MAP3K5: variants seen among roughly 807,000 people sequenced by gnomAD.
MAP3K5 encodes ASK-1.
A neutral mutation model predicts 158.7 loss-of-function variants in MAP3K5; 56 were observed. That is an observed-to-expected ratio of 0.35 (90% CI 0.28 to 0.44). The LOEUF (loss-of-function observed/expected upper bound fraction) is 0.44. Among genes scored for constraint, MAP3K5 ranks in the 20% least tolerant of loss-of-function variants. The probability of loss-of-function intolerance (pLI) is 1.00; values close to 1 mark genes in which losing one functional copy is unlikely to be tolerated. For missense variants in MAP3K5, 1,294 were observed against 1,674.8 expected, an observed-to-expected ratio of 0.77 and a Z score of 3.97; for synonymous variants, 579 against 601.7, an observed-to-expected ratio of 0.96 and a Z score of 0.55.
At chr6:136,656,558 C>T in intron 9 of MAP3K5, 98 bp from the exon 10 acceptor site, 2 of 719,860 alleles carry the variant, frequency 2.8e-6, no homozygotes, top group Non-Finnish European at 4.6e-6. Flanking sequence ...TTATACATGA[C>T]ATTAATAGTT....
At chr6:136,755,887 G>A (rs150666248) in intron 1 of MAP3K5, among the ~76,000 whole-genome samples, 126 of 152,130 alleles carry the variant, frequency 8.3e-4, no homozygotes, top group South Asian at 6.6e-3. Flanking sequence ...TAGTCAGGGT[G>A]ACTAGAGAGA....
intron 1 of MAP3K5, among the ~76,000 whole-genome samples, chr6:136,763,121 T>C (rs1166481401): frequency 6.6e-6 from 1 of 152,300 alleles, no homozygotes; most frequent in South Asian, 2.1e-4. Context: ...GCCTCTCAAA[T>C]AGCTGGGACC....
At chr6:136,754,048 G>A (rs1783346678) in intron 1 of MAP3K5, among the ~76,000 whole-genome samples, 3 of 152,050 alleles carry the variant, frequency 2.0e-5, no homozygotes, top group South Asian at 4.2e-4. Context: ...CTGACACAGA[G>A]AATCGCTTGA....
chr6:136,581,730 C>T (rs1249851936), intron 24 of MAP3K5, among the ~76,000 whole-genome samples: 2 of 152,158 alleles, frequency 1.3e-5, no homozygotes, highest in Non-Finnish European at 2.9e-5. Flanking sequence ...TAGGTTCCCA[C>T]TTGTTCTAGA....
At chr6:136,621,592 G>T (rs534576767) in intron 15 of MAP3K5, among the ~76,000 whole-genome samples, 2 of 152,288 alleles carry the variant, frequency 1.3e-5, no homozygotes, top group East Asian at 3.9e-4. Flanking sequence ...CTGTGATTAG[G>T]TCTCAGTCTT....
At position 136,696,060 on chromosome 6, in the gene MAP3K5, TTCAAA is replaced by T; in HGVS notation, c.976-8_976-4del. 2 of 1,565,812 alleles carry T rather than the reference TTCAAA, an allele frequency of 1.3e-6. No homozygotes were observed. The highest frequency in any genetic ancestry group is 1.8e-6 in the Non-Finnish European group (2 of 1,137,882). On this transcript the variant is annotated splice_polypyrimidine_tract_variant and splice_region_variant and intron_variant, in intron 5 of 29. Coordinates refer to ENST00000359015, the MANE Select transcript of MAP3K5 (RefSeq NM_005923.4). ...AGCTTCACAATAGAATCATAGTCCT[TTCAAA>T]TTAGATGAGAATAGCACAGAATTAA...
At chr6:136,691,118 T>G (rs1212762531) in intron 7 of MAP3K5, among the ~76,000 whole-genome samples, 1 of 152,194 alleles carries the variant, frequency 6.6e-6, no homozygotes, top group Non-Finnish European at 1.5e-5. Context: ...TTTTCACCAA[T>G]TTTACTATGA....
At chr6:136,650,542 CTACT>C (rs1276470612) in intron 11 of MAP3K5, among the ~76,000 whole-genome samples, 5 of 152,170 alleles carry the variant, frequency 3.3e-5, no homozygotes, top group African/African-American at 9.6e-5. Context: ...GATTTGGCAA[CTACT>C]TAGATAACAA....
At chr6:136,765,111 C>T (rs879504125) in intron 1 of MAP3K5, among the ~76,000 whole-genome samples, 3 of 152,146 alleles carry the variant, frequency 2.0e-5, no homozygotes, top group Non-Finnish European at 4.4e-5. Context: ...TAAGACAGTA[C>T]AGAAACATAA....
intron 7 of MAP3K5, among the ~76,000 whole-genome samples, chr6:136,682,365 C>T (rs909517589): frequency 1.3e-5 from 2 of 152,074 alleles, no homozygotes; most frequent in Non-Finnish European, 2.9e-5. Context: ...AAACATAACT[C>T]GAAGCCAAGA....
chr6:136,602,560 T>C (rs1775924439), intron 19 of MAP3K5, among the ~76,000 whole-genome samples: 1 of 152,144 alleles, frequency 6.6e-6, no homozygotes, highest in Non-Finnish European at 1.5e-5. Flanking sequence ...CACCTCAGCC[T>C]CCCAGAGTGC....
intron 9 of MAP3K5, among the ~76,000 whole-genome samples, chr6:136,657,434 C>G (rs1289846014): frequency 2.6e-5 from 4 of 152,116 alleles, no homozygotes; most frequent in Non-Finnish European, 5.9e-5. Flanking sequence ...ACCAGGATGC[C>G]TAAAATACTG....
chr6:136,723,558 T>C (rs924101773), intron 1 of MAP3K5, among the ~76,000 whole-genome samples: 6 of 152,216 alleles, frequency 3.9e-5, no homozygotes, highest in Non-Finnish European at 5.9e-5. Flanking sequence ...ATTTCTATTA[T>C]GAACATTGAT....
intron 19 of MAP3K5, among the ~76,000 whole-genome samples, chr6:136,603,545 G>T (rs1373333938): frequency 6.6e-6 from 1 of 151,956 alleles, no homozygotes; most frequent in East Asian, 1.9e-4. Flanking sequence ...TAAATAATTT[G>T]CTCAAAGTCT....
intron 2 of MAP3K5, among the ~76,000 whole-genome samples, chr6:136,705,994 A>T (rs1199948290): frequency 6.6e-6 from 1 of 152,254 alleles, no homozygotes; most frequent in Non-Finnish European, 1.5e-5. Context: ...GCAGTGGCTC[A>T]TGCCTGTAAT....
At chr6:136,661,272 T>A (rs1482638658) in intron 8 of MAP3K5, among the ~76,000 whole-genome samples, 2 of 152,202 alleles carry the variant, frequency 1.3e-5, no homozygotes, top group African/African-American at 2.4e-5. Context: ...AATGTCCATT[T>A]GGGAATTCTT....
intron 2 of MAP3K5, among the ~76,000 whole-genome samples, chr6:136,709,025 C>G (rs1459245945): frequency 1.3e-5 from 2 of 152,134 alleles, no homozygotes; most frequent in Admixed American, 1.3e-4. Context: ...TGTGACACCC[C>G]CAACAGAAGT....
In MAP3K5 at chr6:136,559,742, C is replaced by T. The variant is rs987105931; in HGVS notation, c.3988-866G>A. 5.3e-5 allele frequency among the ~76,000 whole-genome samples: 8 copies of T among 151,922 alleles called. No homozygotes were observed. In the East Asian group the frequency reaches 9.7e-4, roughly 18 times the overall value. Reference sequence around the variant, plus strand: ...ATAGAGACAGTCTCACTATATTGACCAGCCTAATCTCCAACACGTGGCCTC... The same window carrying T: ...ATAGAGACAGTCTCACTATATTGACTAGCCTAATCTCCAACACGTGGCCTC... On this transcript the variant is annotated intron_variant, in intron 28 of 29. Coordinates refer to ENST00000359015, the MANE Select transcript of MAP3K5 (RefSeq NM_005923.4).
At chr6:136,596,225 G>C (rs185421687) in intron 21 of MAP3K5, among the ~76,000 whole-genome samples, 22 of 152,280 alleles carry the variant, frequency 1.4e-4, no homozygotes, top group Non-Finnish European at 2.4e-4. Flanking sequence ...GCAGCCATGA[G>C]GTTGGAGGAA....
Sources: allele counts gnomAD v4.1 joint callset (sites outside exome capture counted in the v4.1 genomes callset), GRCh38; gene constraint gnomAD v4.1.1; transcripts MANE v1.5; gene names NCBI Gene and HGNC (gene_info 2026-07-23, HGNC 2026-07-21).